ACTR10: variants seen among roughly 807,000 people sequenced by gnomAD.
The protein encoded by ACTR10 is actin-related protein 10.
ACTR10 carries 43 observed loss-of-function variants against 56.2 expected under a neutral mutation model. The observed-to-expected ratio is 0.77, with a 90% confidence interval of 0.60 to 0.99. ACTR10 has a LOEUF of 0.99. ACTR10 is among the 50% of genes least tolerant of loss of function. The pLI, the probability that ACTR10 is intolerant of heterozygous loss-of-function variation, is 0.00. For missense variants in ACTR10, 466 were observed against 507.8 expected (o/e 0.92, Z 0.79); for synonymous variants, 170 against 176.3 (o/e 0.96, Z 0.28).
At chr14:58,202,978 T>C (rs752130373) in intron 2 of ACTR10, 51 bp downstream of exon 2, 18 of 1,250,492 alleles carry the variant, frequency 1.4e-5, no homozygotes, top group Admixed American at 3.9e-5. Flanking sequence ...TAAAATGTTT[T>C]AAAATATGAC....
intron 10 of ACTR10, among the ~76,000 whole-genome samples, chr14:58,226,400 G>T (rs1455933439): frequency 7.0e-6 from 1 of 143,728 alleles, no homozygotes; most frequent in African/African-American, 2.6e-5. Flanking sequence ...ATGAGCCACC[G>T]CCCTGGGCTC....
intron 5 of ACTR10, 132 bp from the exon 6 acceptor site, chr14:58,213,499 A>G: frequency 2.0e-6 from 1 of 498,470 alleles, no homozygotes; most frequent in Non-Finnish European, 3.4e-6. Context: ...ATTTTTCTGT[A>G]ACTATGTTAA....
In ACTR10 at chr14:58,213,687, A is replaced by G; in HGVS notation, c.507A>G (p.Lys169=). The change falls in exon 6 of 13, where the codon AAA becomes AAG. Residue 169 remains lysine (K), a synonymous_variant. Transcript: ENST00000254286. ...GGGGAGCACTACCCCTAGGAGGAAA[A>G]GCTCTTCACAAGTAAGTTTCTTGGA... The part of the protein sequence containing the change: ...NCWGALPLGG[K]ALHKELETQL... 6.2e-7 allele frequency: 1 copy of G among 1,611,480 alleles called. No homozygotes were observed. Among genetic ancestry groups the G allele is most frequent in the Non-Finnish European group, 8.5e-7 (1 of 1,178,502 alleles).
intron 5 of ACTR10, chr14:58,213,299 T>A (rs1302719146): frequency 2.1e-5 from 4 of 189,948 alleles, no homozygotes; most frequent in African/African-American, 9.3e-5. Flanking sequence ...AAATTTGGTG[T>A]GTAGCTTAGT....
rs1233324423 is a variant in ACTR10, at chr14:58,229,671, CTG to C, written c.789-726_789-725del. ...CCAGCCGGGGCAACAGAGCAAGACT[CTG>C]TATCAAAAAAAAAAAAAAAAAGAAT... On this transcript the variant is annotated intron_variant, in intron 10 of 12. Transcript: ENST00000254286. Among the ~76,000 whole-genome samples, 41 of 127,092 alleles carry C rather than the reference CTG, an allele frequency of 3.2e-4. 1 individual carries two copies. Among genetic ancestry groups the C allele is most frequent in the African/African-American group, 1.4e-3 (41 of 30,306 alleles). 83.4% of individuals were successfully genotyped at this position (127,092 alleles called of 152,430 possible).
chr14:58,209,986 C>T (rs891930945), intron 4 of ACTR10, among the ~76,000 whole-genome samples: 1 of 152,158 alleles, frequency 6.6e-6, no homozygotes, highest in African/African-American at 2.4e-5. Flanking sequence ...GTTGCATAGC[C>T]TCCAGTACCT....
intron 10 of ACTR10, among the ~76,000 whole-genome samples, chr14:58,229,677 CAAA>C (rs34465995): frequency 1.4e-4 from 15 of 106,924 alleles, no homozygotes; most frequent in Non-Finnish European, 1.2e-4. Context: ...GACTCTGTAT[CAAA>C]AAAAAAAAAA....
intron 7 of ACTR10, among the ~76,000 whole-genome samples, chr14:58,217,431 G>T (rs541848385): frequency 6.6e-6 from 1 of 152,062 alleles, no homozygotes; most frequent in Non-Finnish European, 1.5e-5. Context: ...ACTTTGGGAC[G>T]CCAAGGTGAG....
At chr14:58,207,828 T>G (rs1188752402) in intron 2 of ACTR10, 108 bp from the exon 3 acceptor site, 1 of 618,752 alleles carries the variant, frequency 1.6e-6, no homozygotes, top group African/African-American at 2.0e-5. Flanking sequence ...CAATACAGAT[T>G]GCTTTTAATT....
intron 10 of ACTR10, among the ~76,000 whole-genome samples, chr14:58,229,354 T>C (rs1382552190): frequency 1.3e-5 from 2 of 152,186 alleles, no homozygotes; most frequent in African/African-American, 2.4e-5. Context: ...CTTTAGTTAG[T>C]AACACTATTC....
chr14:58,216,816 G>A (rs989228807), intron 7 of ACTR10, among the ~76,000 whole-genome samples: 1 of 152,176 alleles, frequency 6.6e-6, no homozygotes, highest in African/African-American at 2.4e-5. Context: ...GCCCTTGGCA[G>A]TAATTTATTA....
chr14:58,200,404 C>A, intron 1 of ACTR10, 110 bp downstream of exon 1: 2 of 815,460 alleles, frequency 2.5e-6, no homozygotes, highest in Non-Finnish European at 3.4e-6. Context: ...TCCGGGCCTC[C>A]CCTTTTCTTC....
intron 12 of ACTR10, among the ~76,000 whole-genome samples, chr14:58,234,086 C>G (rs1889609467): frequency 6.6e-6 from 1 of 152,138 alleles, no homozygotes; most frequent in Non-Finnish European, 1.5e-5. Flanking sequence ...TACTTTCACT[C>G]CACTCTATCT....
rs759248776 is a variant in ACTR10, at chr14:58,234,485, AATG to A, written c.1192_1194del (p.Met398del). Reference sequence around the variant, plus strand: ...GTTCTCTCAATAACCCACCTTTGGAAATGATGTTTGATGTCGGGAAAACTCAAC... The same window carrying A: ...GTTCTCTCAATAACCCACCTTTGGAAATGTTTGATGTCGGGAAAACTCAAC... On this transcript the variant is annotated inframe_deletion, in exon 13 of 13. Coordinates refer to ENST00000254286, the MANE Select transcript of ACTR10 (RefSeq NM_018477.3). 7 of 1,613,680 alleles carry A rather than the reference AATG, an allele frequency of 4.3e-6. No individual in the cohort carries two copies. The highest frequency in any genetic ancestry group is 1.7e-5 in the Admixed American group (1 of 59,992).
At position 58,221,428 on chromosome 14, in the gene ACTR10, AC is replaced by A. The variant is rs901995788; in HGVS notation, c.634+1700del. Reference sequence around the variant, plus strand: ...GGACAACGTGATGAACCCTGTCTCTACAAAAAATACAAAAATTAACCAGGTG... The same window carrying A: ...GGACAACGTGATGAACCCTGTCTCTAAAAAAATACAAAAATTAACCAGGTG... On this transcript the variant is annotated intron_variant, in intron 8 of 12. Coordinates refer to ENST00000254286, the MANE Select transcript of ACTR10 (RefSeq NM_018477.3). Among the ~76,000 whole-genome samples the A allele has an allele frequency of 4.6e-5, 7 of 152,108 alleles. No homozygotes were observed. In the East Asian group the frequency reaches 1.4e-3, roughly 29 times the overall value.
intron 10 of ACTR10, among the ~76,000 whole-genome samples, chr14:58,228,238 G>C (rs192213877): frequency 6.6e-6 from 1 of 152,174 alleles, no homozygotes; most frequent in African/African-American, 2.4e-5. Flanking sequence ...GGTCCAGGAT[G>C]GCTGTTGGAG....
intron 10 of ACTR10, among the ~76,000 whole-genome samples, chr14:58,226,589 G>GT (rs1167492757): frequency 6.6e-6 from 1 of 151,756 alleles, no homozygotes; most frequent in African/African-American, 2.4e-5. Context: ...TTTTTTGTGT[G>GT]TTTTTTGTTT....
At chr14:58,231,269 C>G in intron 11 of ACTR10, 1 of 170,422 alleles carries the variant, frequency 5.9e-6, no homozygotes, top group Non-Finnish European at 1.3e-5. Context: ...TCAGGCTGGT[C>G]TTGAACTCCC....
chr14:58,208,930 C>T, intron 3 of ACTR10, 69 bp from the exon 4 acceptor site: 1 of 1,027,668 alleles, frequency 9.7e-7, no homozygotes, highest in South Asian at 1.4e-5. Context: ...TTTCACTGTT[C>T]TTAAATTGTA....
Sources: allele counts gnomAD v4.1 joint callset (sites outside exome capture counted in the v4.1 genomes callset), GRCh38; gene constraint gnomAD v4.1.1; transcripts MANE v1.5; gene names NCBI Gene and HGNC (gene_info 2026-07-23, HGNC 2026-07-21).